LRRC28: variants seen among roughly 807,000 people sequenced by gnomAD.
LRRC28 encodes the protein leucine rich repeat containing 28.
Under a neutral mutation model 45.7 loss-of-function variants are expected in LRRC28, and 39 were observed. The observed-to-expected ratio is 0.85, with a 90% CI of 0.66 to 1.12. LRRC28 has a LOEUF of 1.12. LRRC28 is among the 50% of genes most tolerant of loss of function. The pLI is 0.00. For synonymous variants in LRRC28, 206 were observed against 178.8 expected (o/e 1.15, Z -1.22); for missense variants, 435 against 438.5 (o/e 0.99, Z 0.07).
At chr15:99,378,270 G>A (rs1957706197) in intron 9 of LRRC28, among the ~76,000 whole-genome samples, 2 of 152,224 alleles carry the variant, frequency 1.3e-5, no homozygotes, top group Non-Finnish European at 1.5e-5. Flanking sequence ...TCCCTTGTAA[G>A]TTGGATTCCT....
At chr15:99,305,032 C>T (rs1322839094) in intron 5 of LRRC28, among the ~76,000 whole-genome samples, 1 of 152,158 alleles carries the variant, frequency 6.6e-6, no homozygotes, top group East Asian at 1.9e-4. Flanking sequence ...TCGCGTGCAT[C>T]ACTGATGGCC....
At chr15:99,340,272 G>A (rs1363179427) in intron 6 of LRRC28, among the ~76,000 whole-genome samples, 1 of 152,354 alleles carries the variant, frequency 6.6e-6, no homozygotes, top group East Asian at 1.9e-4. Context: ...TGCAGTTTTA[G>A]AAACTAGCTC....
chr15:99,293,593 C>CCAAAAAAAAAAAAAAAAAA lies in LRRC28; in HGVS notation c.385+5642_385+5643insCAAAAAAAAAAAAAAAAAA, dbSNP rs747700282. On this transcript the variant is annotated intron_variant, in intron 5 of 9. Coordinates refer to ENST00000301981, the MANE Select transcript of LRRC28 (RefSeq NM_144598.5). The stretch of plus-strand genomic sequence containing the variant: ...GGGCAACAAGAACGAAACTCTGTCA[C>CCAAAAAAAAAAAAAAAAAA]AAAAAAAAAAAAAAAAAAAAAAAAA... 1.6e-3 allele frequency among the ~76,000 whole-genome samples: 70 copies of CCAAAAAAAAAAAAAAAAAA among 44,080 alleles called. 5 individuals carry two copies. The highest frequency in any genetic ancestry group is 2.1e-3 in the Non-Finnish European group (48 of 22,732). The allele number at this position is 44,080 out of a possible 152,430, so 28.9% of individuals were successfully genotyped here.
intron 5 of LRRC28, among the ~76,000 whole-genome samples, chr15:99,308,395 G>A (rs1380157211): frequency 6.6e-6 from 1 of 152,172 alleles, no homozygotes; most frequent in African/African-American, 2.4e-5. Flanking sequence ...GACAGATCAT[G>A]GTGGCTCACA....
chr15:99,343,831 C>A (rs1176133319), intron 6 of LRRC28, among the ~76,000 whole-genome samples: 1 of 152,134 alleles, frequency 6.6e-6, no homozygotes, highest in Non-Finnish European at 1.5e-5. Context: ...TAAGAAACAT[C>A]TCAAAGCCTT....
chr15:99,365,521 A>G (rs1369920545), intron 9 of LRRC28, among the ~76,000 whole-genome samples: 4 of 152,346 alleles, frequency 2.6e-5, no homozygotes, highest in African/African-American at 9.6e-5. Context: ...AGTTTCTACC[A>G]TAGTCTTAAA....
intron 5 of LRRC28, among the ~76,000 whole-genome samples, chr15:99,313,799 T>C (rs952836004): frequency 3.9e-5 from 6 of 152,130 alleles, no homozygotes; most frequent in African/African-American, 1.4e-4. Context: ...GACAAAGCTG[T>C]GGGATTTTGT....
intron 2 of LRRC28, among the ~76,000 whole-genome samples, chr15:99,260,906 T>A (rs2081178660): frequency 6.6e-6 from 1 of 152,238 alleles, no homozygotes; most frequent in Non-Finnish European, 1.5e-5. Context: ...CATGTTGTTT[T>A]TGTGTTTCTT....
intron 5 of LRRC28, among the ~76,000 whole-genome samples, chr15:99,324,275 A>G (rs750515216): frequency 2.6e-5 from 4 of 152,158 alleles, no homozygotes; most frequent in Non-Finnish European, 5.9e-5. Context: ...GAAATTTAAA[A>G]CTTACGGACG....
intron 2 of LRRC28, among the ~76,000 whole-genome samples, chr15:99,270,942 T>G (rs1297672989): frequency 6.6e-6 from 1 of 152,242 alleles, no homozygotes; most frequent in African/African-American, 2.4e-5. Flanking sequence ...TCTTTTTTTG[T>G]TAGTGTTACA....
chr15:99,275,644 G>A (rs1022094752), intron 2 of LRRC28, among the ~76,000 whole-genome samples: 7 of 152,202 alleles, frequency 4.6e-5, no homozygotes, highest in African/African-American at 7.2e-5. Flanking sequence ...ATCAAGGTGT[G>A]ATTTGGATTG....
intron 2 of LRRC28, among the ~76,000 whole-genome samples, chr15:99,275,709 G>T (rs996938690): frequency 9.8e-5 from 15 of 152,300 alleles, no homozygotes; most frequent in African/African-American, 3.6e-4. Flanking sequence ...TCCTTGCTGG[G>T]AGTGGCCGGC....
At chr15:99,341,556 T>C (rs114450137) in intron 6 of LRRC28, among the ~76,000 whole-genome samples, 2,103 of 152,290 alleles carry the variant, frequency 0.014, 47 homozygotes, top group African/African-American at 0.048. Context: ...AAAGTGCACC[T>C]AGATTAGGTG....
intron 4 of LRRC28, 46 bp downstream of exon 4, chr15:99,287,340 G>A (rs746406556): frequency 2.9e-6 from 4 of 1,384,900 alleles, no homozygotes; most frequent in South Asian, 2.9e-5. Context: ...TATAATTTAA[G>A]CTTTGCTTTA....
At chr15:99,284,527 G>T (rs563011558) in intron 3 of LRRC28, 1 of 456,504 alleles carries the variant, frequency 2.2e-6, no homozygotes, top group Admixed American at 2.3e-5. Context: ...CCACCACTGT[G>T]CTTGGCTGAG....
Position 99,282,177 on chromosome 15 carries a change from G to GTTTTTTTTTTTTTTTTTTTTTTTTT in LRRC28, c.210-5066_210-5065insTTTTTTTTTTTTTTTTTTTTTTTTT, listed in dbSNP as rs766338889. Among the ~76,000 whole-genome samples, 272 of 98,002 alleles carry GTTTTTTTTTTTTTTTTTTTTTTTTT rather than the reference G, an allele frequency of 2.8e-3. 29 individuals carry two copies. Among genetic ancestry groups the GTTTTTTTTTTTTTTTTTTTTTTTTT allele is most frequent in the African/African-American group, 7.7e-3 (159 of 20,754 alleles). 64.3% of individuals were successfully genotyped at this position (98,002 alleles called of 152,430 possible). Reference sequence around the variant, plus strand: ...GGATTCCTTATGCAAATTTTTGGAGGTTTTTTTTTTTTTTGTAGCAGTAGC... The same window carrying GTTTTTTTTTTTTTTTTTTTTTTTTT: ...GGATTCCTTATGCAAATTTTTGGAGGTTTTTTTTTTTTTTTTTTTTTTTTTTTTTTTTTTTTTTTGTAGCAGTAGC... On this transcript the variant is annotated intron_variant, in intron 3 of 9. Coordinates refer to ENST00000301981, the MANE Select transcript of LRRC28 (RefSeq NM_144598.5).
intron 5 of LRRC28, among the ~76,000 whole-genome samples, chr15:99,300,670 A>G (rs1460779519): frequency 2.0e-5 from 3 of 152,156 alleles, no homozygotes. Flanking sequence ...TACTAAAAAT[A>G]CAAAAATTAG....
intron 3 of LRRC28, chr15:99,284,613 G>T (rs980871683): frequency 2.6e-5 from 13 of 503,596 alleles, no homozygotes; most frequent in African/African-American, 2.3e-4. Context: ...TTGTTTCCTG[G>T]CAGTAATTAA....
intron 5 of LRRC28, among the ~76,000 whole-genome samples, chr15:99,314,766 T>C (rs1955536991): frequency 1.3e-5 from 2 of 152,228 alleles, no homozygotes; most frequent in Admixed American, 6.5e-5. Context: ...AACATCAATC[T>C]CTAGTGGAGA....
Sources: allele counts gnomAD v4.1 joint callset (sites outside exome capture counted in the v4.1 genomes callset), GRCh38; gene constraint gnomAD v4.1.1; transcripts MANE v1.5; gene names NCBI Gene and HGNC (gene_info 2026-07-23, HGNC 2026-07-21).